Variants in CNTNAP2 observed in about 807,000 individuals in gnomAD.
CNTNAP2 encodes the protein contactin associated protein 2.
CNTNAP2 carries 98 observed loss-of-function variants against 155.2 expected under a neutral mutation model. The ratio of observed to expected loss-of-function variants is 0.63; its 90% CI spans 0.54 to 0.75. The LOEUF is 0.75. Ranked by LOEUF, CNTNAP2 falls within the 30% of genes least tolerant of loss-of-function variation. The pLI, the probability that CNTNAP2 is intolerant of heterozygous loss-of-function variation, is 0.00. For synonymous variants in CNTNAP2, 651 were observed against 631.2 expected, an observed-to-expected ratio of 1.03 and a Z score of -0.47; for missense variants, 1,727 against 1,688.1, an observed-to-expected ratio of 1.02 and a Z score of -0.40.
chr7:147,668,663 A>C (rs80332809), intron 13 of CNTNAP2, among the ~76,000 whole-genome samples: 2 of 152,178 alleles, frequency 1.3e-5, no homozygotes, highest in Non-Finnish European at 2.9e-5. Context: ...TAAGGTAAGG[A>C]TATAAAGAAA....
intron 21 of CNTNAP2, among the ~76,000 whole-genome samples, chr7:148,382,259 C>T (rs1200741496): frequency 6.6e-6 from 1 of 152,216 alleles, no homozygotes; most frequent in Non-Finnish European, 1.5e-5. Flanking sequence ...CGTGGTTTCT[C>T]TCCCTGTTCC....
chr7:146,828,871 T>C (rs1210647024), intron 2 of CNTNAP2, among the ~76,000 whole-genome samples: 2 of 152,088 alleles, frequency 1.3e-5, no homozygotes, highest in Admixed American at 1.3e-4. Flanking sequence ...TATGTTTGTT[T>C]TTACACTCTG....
intron 1 of CNTNAP2, among the ~76,000 whole-genome samples, chr7:146,409,191 A>G (rs1183613925): frequency 6.6e-6 from 1 of 152,208 alleles, no homozygotes; most frequent in African/African-American, 2.4e-5. Flanking sequence ...ATTTTGAGTC[A>G]GTGTTTCTTC....
intron 16 of CNTNAP2, among the ~76,000 whole-genome samples, chr7:148,132,267 G>A (rs1313909070): frequency 6.6e-6 from 1 of 152,130 alleles, no homozygotes. Context: ...GAGAAATGGG[G>A]AAACGTAAAG....
intron 21 of CNTNAP2, among the ~76,000 whole-genome samples, chr7:148,364,144 C>G (rs2116623618): frequency 6.6e-6 from 1 of 152,362 alleles, no homozygotes; most frequent in Non-Finnish European, 1.5e-5. Flanking sequence ...GCGCCACCCC[C>G]TGCTCCACAG....
intron 11 of CNTNAP2, among the ~76,000 whole-genome samples, chr7:147,535,782 T>C (rs1799528325): frequency 6.6e-6 from 1 of 152,068 alleles, no homozygotes; most frequent in Admixed American, 6.5e-5. Flanking sequence ...AGAATGCAAA[T>C]ACAGCAGTAA....
intron 8 of CNTNAP2, among the ~76,000 whole-genome samples, chr7:147,187,124 A>T (rs779049558): frequency 4.6e-5 from 7 of 152,142 alleles, no homozygotes; most frequent in Middle Eastern, 3.2e-3. Flanking sequence ...TGGGCTGGGG[A>T]GAAAGAATGA....
chr7:147,429,673 T>C (rs966444168), intron 10 of CNTNAP2, among the ~76,000 whole-genome samples: 2 of 152,206 alleles, frequency 1.3e-5, no homozygotes, highest in African/African-American at 4.8e-5. Flanking sequence ...TCTGATGTTA[T>C]CTTCTAGAAT....
At chr7:148,248,344 A>G (rs946684136) in intron 20 of CNTNAP2, among the ~76,000 whole-genome samples, 4 of 152,078 alleles carry the variant, frequency 2.6e-5, no homozygotes, top group African/African-American at 4.8e-5. Flanking sequence ...GACTACAGGC[A>G]CATGGCACTA....
chr7:147,303,977 T>C (rs1173228464), intron 9 of CNTNAP2, among the ~76,000 whole-genome samples: 7 of 152,208 alleles, frequency 4.6e-5, no homozygotes, highest in Admixed American at 3.3e-4. Flanking sequence ...AAGTAAAGGC[T>C]TTCCTGCCGT....
intron 1 of CNTNAP2, among the ~76,000 whole-genome samples, chr7:146,133,145 G>C (rs1411776128): frequency 6.6e-6 from 1 of 151,562 alleles, no homozygotes; most frequent in African/African-American, 2.4e-5. Context: ...GTTTTGATTT[G>C]CATTTCTCTG....
At chr7:146,321,471 C>T (rs2129092533) in intron 1 of CNTNAP2, among the ~76,000 whole-genome samples, 1 of 152,254 alleles carries the variant, frequency 6.6e-6, no homozygotes, top group East Asian at 1.9e-4. Context: ...GAGTGCTTCA[C>T]TGAGCTTGCA....
chr7:146,897,027 TTC>T (rs1795891402), intron 3 of CNTNAP2, among the ~76,000 whole-genome samples: 2 of 152,102 alleles, frequency 1.3e-5, no homozygotes, highest in South Asian at 4.1e-4. Context: ...GAAACCGTAT[TTC>T]TCTGCATATT....
At chr7:147,139,457 G>A (rs1413662157) in intron 8 of CNTNAP2, among the ~76,000 whole-genome samples, 1 of 152,044 alleles carries the variant, frequency 6.6e-6, no homozygotes, top group Non-Finnish European at 1.5e-5. Context: ...TTCATAATCA[G>A]AAAAAACACA....
chr7:147,688,499 G>C (rs1796046465), intron 13 of CNTNAP2, among the ~76,000 whole-genome samples: 2 of 152,108 alleles, frequency 1.3e-5, no homozygotes, highest in Non-Finnish European at 2.9e-5. Context: ...TCAACTCCCA[G>C]AACAGCCTAT....
At chr7:147,656,280 T>C (rs141377922) in intron 13 of CNTNAP2, among the ~76,000 whole-genome samples, 152 of 152,374 alleles carry the variant, frequency 1.0e-3, no homozygotes, top group Middle Eastern at 3.4e-3. Context: ...GCACTTTCAA[T>C]TGCCTTTGAG....
At chr7:147,220,084 C>T (rs185241318) in intron 8 of CNTNAP2, among the ~76,000 whole-genome samples, 66 of 151,928 alleles carry the variant, frequency 4.3e-4, no homozygotes, top group Middle Eastern at 6.8e-3. Context: ...CCACCACACC[C>T]GGCAGGCTGC....
At chr7:146,878,926 T>A (rs1795483760) in intron 3 of CNTNAP2, among the ~76,000 whole-genome samples, 1 of 152,192 alleles carries the variant, frequency 6.6e-6, no homozygotes, top group African/African-American at 2.4e-5. Flanking sequence ...TAATGGACAC[T>A]TACCTTTTGC....
chr7:147,377,927 C>T, intron 9 of CNTNAP2: 1 of 441,498 alleles, frequency 2.3e-6, no homozygotes, highest in Non-Finnish European at 4.6e-6. Flanking sequence ...ATGTATTGTC[C>T]TTTCTGAATC....
Sources: gnomAD v4.1 joint callset for allele counts (sites outside exome capture counted in the v4.1 genomes callset) on GRCh38, gnomAD v4.1.1 for gene constraint, MANE v1.5 for transcripts, NCBI Gene and HGNC (gene_info 2026-07-23, HGNC 2026-07-21) for gene names.